The following IL13RA1 variants were observed in gnomAD, a reference collection of about 807,000 sequenced individuals.
The protein encoded by IL13RA1 is interleukin-13 receptor subunit alpha-1.
IL13RA1 carries 14 observed loss-of-function variants against 33.8 expected under a neutral mutation model. The ratio of observed to expected loss-of-function variants is 0.41; its 90% CI spans 0.27 to 0.65. The LOEUF (loss-of-function observed/expected upper bound fraction) is 0.65, where lower values mean the gene tolerates loss of function less well. Ranked by LOEUF, IL13RA1 falls within the 30% of genes least tolerant of loss-of-function variation. The probability of loss-of-function intolerance (pLI) is 0.28; values close to 1 mark genes in which losing one functional copy is unlikely to be tolerated. For synonymous variants in IL13RA1, 116 were observed against 115.7 expected, an observed-to-expected ratio of 1.00 and a Z score of -0.02; for missense variants, 313 against 327.0, an observed-to-expected ratio of 0.96 and a Z score of 0.33.
chrX:118,776,940 G>A (rs2017791765), intron 10 of IL13RA1, among the ~76,000 whole-genome samples: 1 of 107,613 alleles, frequency 9.3e-6, no homozygotes, highest in Non-Finnish European at 1.9e-5. Flanking sequence ...TTCCAGCCTG[G>A]ATGACAGAGC....
chrX:118,794,721 C>A (rs2018015054), downstream of IL13RA1, among the ~76,000 whole-genome samples: 1 of 111,724 alleles, frequency 9.0e-6, no homozygotes, highest in East Asian at 2.8e-4. Flanking sequence ...CATAAATACA[C>A]TTAGTTTAAT....
intron 1 of IL13RA1, among the ~76,000 whole-genome samples, chrX:118,732,393 T>A (rs2017231228): frequency 9.9e-6 from 1 of 100,865 alleles, no homozygotes; most frequent in South Asian, 4.8e-4. Flanking sequence ...TTTCCTTTTT[T>A]AAATTTATAT....
chrX:118,731,546 C>T (rs922873620), intron 1 of IL13RA1, among the ~76,000 whole-genome samples: 1 of 103,707 alleles, frequency 9.6e-6, no homozygotes. Flanking sequence ...CAGCGCACTC[C>T]AGCCTGGGTA....
At chrX:118,783,786 T>G in intron 10 of IL13RA1, among the ~76,000 whole-genome samples, 1 of 101,345 alleles carries the variant, frequency 9.9e-6, no homozygotes, top group East Asian at 2.9e-4. Flanking sequence ...TTCACCACTA[T>G]ACATTCATGC....
rs112917175 is a variant in IL13RA1, at chrX:118,747,137, T to C, written c.367+45T>C. 1,004 of 836,526 alleles carry C rather than the reference T, an allele frequency of 1.2e-3. 6 individuals carry two copies. The African/African-American group carries it at 0.015, about 13-fold the overall frequency. 68.9% of individuals were successfully genotyped at this position (836,526 alleles called of 1,213,427 possible). ...TCTCTTGGTGTTTAGAGAATAAATC[T>C]GAATGCTCCAATGCTTTTGTGCATT... On this transcript the variant is annotated intron_variant, in intron 3 of 10. Coordinates refer to ENST00000371666, the MANE Select transcript of IL13RA1 (RefSeq NM_001560.3).
intron 8 of IL13RA1, among the ~76,000 whole-genome samples, chrX:118,773,223 G>A (rs909423294): frequency 1.8e-5 from 2 of 112,298 alleles, no homozygotes; most frequent in African/African-American, 3.2e-5. Context: ...GGGCGCAGTG[G>A]CTCATGCCTG....
chrX:118,795,147 C>T (rs987637697), downstream of IL13RA1, among the ~76,000 whole-genome samples: 7 of 97,011 alleles, frequency 7.2e-5, no homozygotes, highest in East Asian at 3.3e-4. Context: ...GGCGTGAACC[C>T]GGGAGGTGGA....
At position 118,746,977 on chromosome X, in the gene IL13RA1, T is replaced by G; in HGVS notation, c.252T>G (p.Arg84=). The G allele has an allele frequency of 8.4e-7, 1 of 1,190,896 alleles. No homozygotes were observed. Among genetic ancestry groups the G allele is most frequent in the Non-Finnish European group, 1.1e-6 (1 of 877,761 alleles). Residue 84 remains arginine, a synonymous_variant, in exon 3 of 11, where the codon CGT becomes CGG. Transcript: ENST00000371666. ...QDKKIAPETR[R]SIEVPLNERI... ...AGAAAATAGCTCCGGAAACTCGTCGTTCAATAGAAGTACCCCTGAATGAGA... is the reference window on the plus strand; with the variant it reads ...AGAAAATAGCTCCGGAAACTCGTCGGTCAATAGAAGTACCCCTGAATGAGA...
intron 8 of IL13RA1, among the ~76,000 whole-genome samples, chrX:118,768,254 T>G (rs2017671456): frequency 8.9e-6 from 1 of 112,363 alleles, no homozygotes; most frequent in African/African-American, 3.2e-5. Context: ...TTCGTTTATT[T>G]ATTGTTGTAT....
At chrX:118,771,053 G>A (rs958424956) in intron 8 of IL13RA1, among the ~76,000 whole-genome samples, 1 of 111,671 alleles carries the variant, frequency 9.0e-6, no homozygotes, top group African/African-American at 3.3e-5. Flanking sequence ...GGTGGCGGAG[G>A]GTTGACTGCA....
downstream of IL13RA1, among the ~76,000 whole-genome samples, chrX:118,799,075 G>A (rs755234137): frequency 2.8e-4 from 32 of 113,113 alleles, no homozygotes; most frequent in South Asian, 4.3e-3. Context: ...TGCTGGCCCC[G>A]GGCAATGGGG....
At chrX:118,790,478 TC>T (rs2017963865) in intron 10 of IL13RA1, among the ~76,000 whole-genome samples, 1 of 112,162 alleles carries the variant, frequency 8.9e-6, no homozygotes, top group Non-Finnish European at 1.9e-5. Context: ...TGACATGTTT[TC>T]ATTTCTCTTG....
At position 118,776,964 on chromosome X, in the gene IL13RA1, A is replaced by G. The variant is rs748670489; in HGVS notation, c.1191+453A>G. On this transcript the variant is annotated intron_variant, in intron 10 of 10. Transcript: ENST00000371666. ...GGATGACAGAGCGAGACTCTCTAAA[A>G]AATAAAATATATATGTGTGTATATG... Among the ~76,000 whole-genome samples, 164 of 86,371 alleles carry G rather than the reference A, an allele frequency of 1.9e-3. 1 individual carries two copies. The highest frequency in any genetic ancestry group is 2.5e-3 in the Non-Finnish European group (114 of 44,914). The allele number at this position is 86,371 out of a possible 115,157, so 75.0% of individuals were successfully genotyped here. A position where few individuals can be genotyped will look rare whatever the true frequency, so the allele number is the denominator to read the frequency against.
intron 10 of IL13RA1, among the ~76,000 whole-genome samples, chrX:118,780,762 T>C (rs1213517338): frequency 2.7e-5 from 3 of 112,107 alleles, no homozygotes; most frequent in Non-Finnish European, 5.6e-5. Flanking sequence ...ACTTCCAACG[T>C]TGGGGATTAC....
At chrX:118,771,813 G>T (rs772080113) in intron 8 of IL13RA1, among the ~76,000 whole-genome samples, 1 of 111,277 alleles carries the variant, frequency 9.0e-6, no homozygotes, top group Admixed American at 9.5e-5. Context: ...TCTCTCTACT[G>T]AAATATAAAA....
At chrX:118,791,654 T>A in intron 10 of IL13RA1, 108 bp from the exon 11 acceptor site, 9 of 325,823 alleles carry the variant, frequency 2.8e-5, no homozygotes, top group Admixed American at 4.6e-5. Context: ...ATCATACCCC[T>A]ACGGTTCCAT....
At chrX:118,754,927 C>T (rs986279958) in intron 4 of IL13RA1, among the ~76,000 whole-genome samples, 5 of 105,870 alleles carry the variant, frequency 4.7e-5, no homozygotes, top group African/African-American at 1.4e-4. Flanking sequence ...CCATAAAATA[C>T]GGAGTCTTTC....
Position 118,794,179 on chromosome X carries a change from AAGGG to A in IL13RA1, c.*2331_*2334del. The A allele has an allele frequency of 9.0e-6, 1 of 111,459 alleles. No homozygotes were observed. The highest frequency in any genetic ancestry group is 1.9e-5 in the Non-Finnish European group (1 of 53,058). 9.2% of individuals were successfully genotyped at this position (111,459 alleles called of 1,213,427 possible). A position where few individuals can be genotyped will look rare whatever the true frequency, so the allele number is the denominator to read the frequency against. Reference sequence around the variant, plus strand: ...TTTAGCAGTAAAATAGCTGAGGGAAAAGGGAGGGAAAAGGAAGTTATGGGAATAC... The same window carrying A: ...TTTAGCAGTAAAATAGCTGAGGGAAAAGGGAAAAGGAAGTTATGGGAATAC... On this transcript the variant is annotated 3_prime_UTR_variant, in exon 11 of 11. Transcript: ENST00000371666.
At chrX:118,730,873 A>G (rs1366665389) in intron 1 of IL13RA1, among the ~76,000 whole-genome samples, 1 of 112,299 alleles carries the variant, frequency 8.9e-6, no homozygotes, top group Non-Finnish European at 1.9e-5. Flanking sequence ...GTTGGAAGAA[A>G]AAAACGAACA....
Sources: gnomAD v4.1 joint callset for allele counts (sites outside exome capture counted in the v4.1 genomes callset) on GRCh38, gnomAD v4.1.1 for gene constraint, MANE v1.5 for transcripts, NCBI Gene and HGNC (gene_info 2026-07-23, HGNC 2026-07-21) for gene names.